The following PCBP3 variants were observed in gnomAD, a reference collection of about 807,000 sequenced individuals.
The protein encoded by PCBP3 is poly(rC)-binding protein 3.
A neutral mutation model predicts 52.7 loss-of-function variants in PCBP3; 25 were observed. The ratio of observed to expected loss-of-function variants is 0.47; its 90% CI spans 0.35 to 0.66. The LOEUF is 0.66. PCBP3 is among the 30% of genes least tolerant of loss of function. The probability of loss-of-function intolerance (pLI) is 0.01; values close to 1 mark genes in which losing one functional copy is unlikely to be tolerated. For synonymous variants in PCBP3, 162 were observed against 183.0 expected (o/e 0.89, Z 0.93); for missense variants, 391 against 490.3 (o/e 0.80, Z 1.91).
At position 45,804,880 on chromosome 21, in the gene PCBP3, G is replaced by A. The variant is rs534000842; in HGVS notation, c.-125-45081G>A. Among the ~76,000 whole-genome samples, 42 of 152,226 alleles carry A rather than the reference G, an allele frequency of 2.8e-4. 1 individual carries two copies. Among genetic ancestry groups the A allele is most frequent in the South Asian group, 8.3e-4 (4 of 4,806 alleles). ...AGAGGCAGCACAGGAAGGCCAGGCC[G>A]TGTTCCTGGGAGTCAGGCTTACCAG... is the stretch of plus-strand genomic sequence containing the variant. On this transcript the variant is annotated intron_variant, in intron 4 of 17. Transcript: ENST00000681687.
Position 45,704,765 on chromosome 21 carries a change from T to A in PCBP3, c.-199-30627T>A, listed in dbSNP as rs11911063. ...CTGGCAGAGTTCCAAAACATGAAAA[T>A]GTAAAATGGAATTGAATAATCTCTC... On this transcript the variant is annotated intron_variant, in intron 2 of 17. Coordinates refer to ENST00000681687, the MANE Select transcript of PCBP3 (RefSeq NM_001384156.1). This position sits in a 1 kb window ranked among gnomAD's most constrained non-coding sequence, Gnocchi z 4.1. 0.026 allele frequency among the ~76,000 whole-genome samples: 4,017 copies of A among 152,076 alleles called. 189 individuals carry two copies. Among genetic ancestry groups the A allele is most frequent in the African/African-American group, 0.092 (3,801 of 41,474 alleles).
intron 5 of PCBP3, among the ~76,000 whole-genome samples, chr21:45,855,879 G>A (rs1263509774): frequency 1.3e-5 from 2 of 152,226 alleles, no homozygotes; most frequent in Non-Finnish European, 2.9e-5. Flanking sequence ...TTCCTCTCTT[G>A]CCCAAATTCC....
chr21:45,889,880 T>TA (rs1397654178), intron 5 of PCBP3, among the ~76,000 whole-genome samples: 1 of 152,250 alleles, frequency 6.6e-6, no homozygotes, highest in Admixed American at 6.5e-5. Flanking sequence ...AAGGAAAAGA[T>TA]ACTTATGAAA....
At chr21:45,784,108 T>G (rs1473483851) in intron 4 of PCBP3, among the ~76,000 whole-genome samples, 4 of 152,298 alleles carry the variant, frequency 2.6e-5, no homozygotes, top group Non-Finnish European at 4.4e-5. Flanking sequence ...GGGATGTAAT[T>G]TGCAGAGTCC....
In PCBP3 at chr21:45,874,849, G is replaced by A. The variant is rs145895309; in HGVS notation, c.11-21359G>A. ...TCGGTCCCTGTGGTTTTCGCTGCCC[G>A]TGTCCCCTGTGCTGCTGCTCCTTGC... On this transcript the variant is annotated intron_variant, in intron 5 of 17. Transcript: ENST00000681687. Among the ~76,000 whole-genome samples, 694 of 152,286 alleles carry A rather than the reference G, an allele frequency of 4.6e-3. 8 individuals carry two copies. The highest frequency in any genetic ancestry group is 0.02 in the Middle Eastern group (6 of 294).
intron 4 of PCBP3, among the ~76,000 whole-genome samples, chr21:45,759,297 T>C (rs1388936153): frequency 6.6e-6 from 1 of 152,222 alleles, no homozygotes; most frequent in Non-Finnish European, 1.5e-5. Flanking sequence ...GCCTGGAGTT[T>C]CTTGTTGTTG....
At chr21:45,689,231 T>C (rs1173267770) in intron 2 of PCBP3, among the ~76,000 whole-genome samples, 2 of 151,876 alleles carry the variant, frequency 1.3e-5, no homozygotes, top group Admixed American at 1.3e-4. Context: ...GGAAGATAGG[T>C]AGGTAGGTAG....
chr21:45,661,052 A>G (rs2080357846), intron 1 of PCBP3, among the ~76,000 whole-genome samples: 1 of 152,118 alleles, frequency 6.6e-6, no homozygotes, highest in Non-Finnish European at 1.5e-5. Flanking sequence ...AAAAAAATAT[A>G]TATATATATC....
chr21:45,782,081 T>G (rs2090679624), intron 4 of PCBP3, among the ~76,000 whole-genome samples: 1 of 152,156 alleles, frequency 6.6e-6, no homozygotes, highest in Non-Finnish European at 1.5e-5. Context: ...AAAGCAGCAT[T>G]CCTTTTTGGA....
At chr21:45,660,658 G>C (rs1250366366) in intron 1 of PCBP3, among the ~76,000 whole-genome samples, 1 of 152,160 alleles carries the variant, frequency 6.6e-6, no homozygotes, top group African/African-American at 2.4e-5. Flanking sequence ...GTTTGGATTA[G>C]TACCAGTCTA....
intron 4 of PCBP3, among the ~76,000 whole-genome samples, chr21:45,794,193 A>C (rs2091792680): frequency 6.6e-6 from 1 of 152,212 alleles, no homozygotes; most frequent in African/African-American, 2.4e-5. Flanking sequence ...TGAAGGCTTA[A>C]ATGGATTAAT....
intron 3 of PCBP3, chr21:45,752,910 G>A (rs1013799305): frequency 6.1e-5 from 9 of 148,712 alleles, no homozygotes; most frequent in African/African-American, 2.2e-4. Flanking sequence ...AAGATGAGAG[G>A]GTTGCTTGAG....
intron 4 of PCBP3, among the ~76,000 whole-genome samples, chr21:45,812,825 A>G (rs952058745): frequency 1.3e-5 from 2 of 151,960 alleles, no homozygotes; most frequent in African/African-American, 4.8e-5. Flanking sequence ...AGGTTTTGGG[A>G]TTTTTTGCCC....
At chr21:45,925,072 C>A (rs571618729) in intron 13 of PCBP3, among the ~76,000 whole-genome samples, 2 of 90,154 alleles carry the variant, frequency 2.2e-5, no homozygotes, top group African/African-American at 1.1e-4. Flanking sequence ...ATCGGGTGTG[C>A]GTGAGGAGAT....
chr21:45,849,183 G>A (rs1318222820), intron 4 of PCBP3, among the ~76,000 whole-genome samples: 1 of 150,774 alleles, frequency 6.6e-6, no homozygotes. Context: ...TTTCTCCCAA[G>A]GTTCCAAATA....
At chr21:45,835,411 G>A (rs1272823190) in intron 4 of PCBP3, among the ~76,000 whole-genome samples, 2 of 152,104 alleles carry the variant, frequency 1.3e-5, no homozygotes, top group African/African-American at 4.8e-5. Flanking sequence ...AGTGGCCGTA[G>A]CACCTTTAAC....
intron 3 of PCBP3, among the ~76,000 whole-genome samples, chr21:45,739,641 C>T (rs2086257857): frequency 7.6e-6 from 1 of 131,214 alleles, no homozygotes; most frequent in African/African-American, 3.0e-5. Flanking sequence ...TCTGGGTGGC[C>T]CCTCCCATCT....
chr21:45,837,024 A>G lies in PCBP3; in HGVS notation c.-125-12937A>G, dbSNP rs1388736912. Among the ~76,000 whole-genome samples, 1 of 152,180 alleles carries G rather than the reference A, an allele frequency of 6.6e-6. No homozygotes were observed. The highest frequency in any genetic ancestry group is 1.9e-4 in the East Asian group (1 of 5,192). ...CCTGTGTGTTTCTTTTGGTGCACAC[A>G]TGAGGTGTTTTTGGTTTAAGGAAGT... On this transcript the variant is annotated intron_variant, in intron 4 of 17. Transcript: ENST00000681687. This position sits in a 1 kb window ranked among gnomAD's most constrained non-coding sequence, Gnocchi z 4.1.
intron 2 of PCBP3, among the ~76,000 whole-genome samples, chr21:45,690,853 A>T (rs924164587): frequency 6.6e-6 from 1 of 152,144 alleles, no homozygotes; most frequent in Non-Finnish European, 1.5e-5. Flanking sequence ...CTAAAATGTA[A>T]TGAAAATAAG....
Sources: gnomAD v4.1 joint callset for allele counts (sites outside exome capture counted in the v4.1 genomes callset) on GRCh38, gnomAD v4.1.1 for gene constraint, Gnocchi (gnomAD v3.1) non-coding constraint, MANE v1.5 for transcripts, NCBI Gene and HGNC (gene_info 2026-07-23, HGNC 2026-07-21) for gene names.